The following ASTN1 variants were observed in gnomAD, a reference collection of about 807,000 sequenced individuals.
ASTN1 encodes astrotactin 1.
In ASTN1, 41 loss-of-function variants were observed where a neutral mutation model predicts 140.7. The observed-to-expected ratio is 0.29, with a 90% CI of 0.23 to 0.38. The LOEUF (loss-of-function observed/expected upper bound fraction) is 0.38. Among genes scored for constraint, ASTN1 ranks in the 10% least tolerant of loss-of-function variants. ASTN1 has a pLI of 1.00. For synonymous variants in ASTN1, 640 were observed against 652.2 expected (o/e 0.98, Z 0.29); for missense variants, 1,479 against 1,678.8 (o/e 0.88, Z 2.08).
At chr1:177,038,377 T>C (rs1440932747) in intron 2 of ASTN1, among the ~76,000 whole-genome samples, 1 of 152,166 alleles carries the variant, frequency 6.6e-6, no homozygotes, top group African/African-American at 2.4e-5. Flanking sequence ...ATCTATCTCT[T>C]TTATAGCTCC....
intron 1 of ASTN1, among the ~76,000 whole-genome samples, chr1:177,156,729 T>C (rs1406116457): frequency 6.6e-6 from 1 of 151,812 alleles, no homozygotes; most frequent in Non-Finnish European, 1.5e-5. Context: ...TTCAAAGGAA[T>C]GGAGAGAGGG....
chr1:176,886,866 C>G (rs993225978), intron 18 of ASTN1, among the ~76,000 whole-genome samples: 1 of 152,232 alleles, frequency 6.6e-6, no homozygotes, highest in Non-Finnish European at 1.5e-5. Context: ...TGGGGTCACT[C>G]TCTTCCAGCT....
chr1:177,100,829 G>A (rs958443139), intron 1 of ASTN1, among the ~76,000 whole-genome samples: 3 of 152,038 alleles, frequency 2.0e-5, no homozygotes, highest in Non-Finnish European at 4.4e-5. Flanking sequence ...ATGGTGGCTC[G>A]TGCCTGTAAT....
chr1:177,055,726 T>G (rs1677769079), intron 2 of ASTN1, among the ~76,000 whole-genome samples: 1 of 152,202 alleles, frequency 6.6e-6, no homozygotes, highest in South Asian at 2.1e-4. Flanking sequence ...CCTAAATGTC[T>G]CCATTTGTTG....
chr1:177,134,305 C>T (rs6694229), intron 1 of ASTN1, among the ~76,000 whole-genome samples: 1,616 of 152,304 alleles, frequency 0.011, 28 homozygotes, highest in African/African-American at 0.036. Context: ...GACCTCTCCA[C>T]CACTCATTAT....
At chr1:176,877,709 A>T (rs928615304) in intron 20 of ASTN1, among the ~76,000 whole-genome samples, 2 of 152,182 alleles carry the variant, frequency 1.3e-5, no homozygotes, top group African/African-American at 4.8e-5. Context: ...CGGTCTAAAG[A>T]AAATCATTAA....
At chr1:177,139,055 C>T (rs1207726935) in intron 1 of ASTN1, among the ~76,000 whole-genome samples, 2 of 152,218 alleles carry the variant, frequency 1.3e-5, no homozygotes, top group East Asian at 3.9e-4. Context: ...GAGTTAACAA[C>T]AGAGCTCAGG....
intron 1 of ASTN1, among the ~76,000 whole-genome samples, chr1:177,077,882 A>G (rs975059602): frequency 5.3e-5 from 8 of 152,116 alleles, no homozygotes; most frequent in Non-Finnish European, 1.0e-4. Context: ...GATCCACAAC[A>G]TGGTTTGACA....
chr1:176,994,795 G>T (rs147349752), intron 8 of ASTN1, among the ~76,000 whole-genome samples: 118 of 152,214 alleles, frequency 7.8e-4, no homozygotes, highest in African/African-American at 2.6e-3. Flanking sequence ...GATTAAATGG[G>T]TTAATACTAG....
chr1:177,074,614 T>G (rs967726640), intron 1 of ASTN1, among the ~76,000 whole-genome samples: 6 of 152,302 alleles, frequency 3.9e-5, no homozygotes, highest in Admixed American at 3.9e-4. Context: ...ATGGTCTGAC[T>G]CATTGAGGGG....
chr1:177,152,527 T>C (rs1683083408), intron 1 of ASTN1, among the ~76,000 whole-genome samples: 1 of 151,010 alleles, frequency 6.6e-6, no homozygotes, highest in Admixed American at 6.6e-5. Context: ...AAGAACTTTA[T>C]GAGAAAAAAA....
At chr1:177,129,684 C>T (rs1681847220) in intron 1 of ASTN1, among the ~76,000 whole-genome samples, 1 of 152,172 alleles carries the variant, frequency 6.6e-6, no homozygotes, top group South Asian at 2.1e-4. Flanking sequence ...AACAAGAACC[C>T]TTCGCTGGAA....
rs552480216 is a variant in ASTN1, at chr1:177,117,020, C to T, written c.283+47374G>A. ...CATGTCTCACACTGAGCTCTACCTG[C>T]CAATTTTCTCTTAAAGTAGGTGTCT... is the stretch of plus-strand genomic sequence containing the variant. On this transcript the variant is annotated intron_variant, in intron 1 of 22. Coordinates refer to ENST00000361833, the MANE Select transcript of ASTN1 (RefSeq NM_004319.3). Among the ~76,000 whole-genome samples, 14 of 152,248 alleles carry T rather than the reference C, an allele frequency of 9.2e-5. 1 individual carries two copies. The East Asian group carries it at 2.1e-3, about 23-fold the overall frequency.
intron 1 of ASTN1, among the ~76,000 whole-genome samples, chr1:177,146,690 T>C (rs1221398748): frequency 4.6e-5 from 7 of 152,200 alleles, no homozygotes; most frequent in African/African-American, 1.4e-4. Context: ...AATATGTTAA[T>C]TTTTCTCTTG....
intron 8 of ASTN1, among the ~76,000 whole-genome samples, chr1:177,003,207 G>A (rs115863631): frequency 2.0e-5 from 3 of 151,474 alleles, no homozygotes; most frequent in Non-Finnish European, 2.9e-5. Context: ...ACTGCAGACC[G>A]ATATCCTTAC....
chr1:177,045,724 C>T (rs550637176), intron 2 of ASTN1, among the ~76,000 whole-genome samples: 276 of 152,316 alleles, frequency 1.8e-3, no homozygotes, highest in Non-Finnish European at 3.2e-3. Context: ...GCTGAAGGCT[C>T]ACTTACAGTG....
intron 16 of ASTN1, among the ~76,000 whole-genome samples, chr1:176,905,922 A>G (rs1402777208): frequency 6.6e-6 from 1 of 152,212 alleles, no homozygotes; most frequent in Non-Finnish European, 1.5e-5. Flanking sequence ...TACCATTCGC[A>G]AATGGTACAG....
At chr1:177,133,240 T>G (rs1352580421) in intron 1 of ASTN1, among the ~76,000 whole-genome samples, 2 of 152,226 alleles carry the variant, frequency 1.3e-5, no homozygotes, top group Non-Finnish European at 2.9e-5. Flanking sequence ...ATTTATAAAC[T>G]TCTCAGAGGT....
intron 11 of ASTN1, among the ~76,000 whole-genome samples, chr1:176,951,748 C>T (rs1273728387): frequency 6.6e-6 from 1 of 152,218 alleles, no homozygotes; most frequent in African/African-American, 2.4e-5. Context: ...GAAATTCATA[C>T]TCTCTTAGGC....
Sources: gnomAD v4.1 joint callset for allele counts (sites outside exome capture counted in the v4.1 genomes callset) on GRCh38, gnomAD v4.1.1 for gene constraint, MANE v1.5 for transcripts, NCBI Gene and HGNC (gene_info 2026-07-23, HGNC 2026-07-21) for gene names.